The following ARFGEF1 variants were observed in gnomAD, a reference collection of about 807,000 sequenced individuals.
ARFGEF1 encodes the protein ARF guanine nucleotide exchange factor 1, also known as brefeldin A-inhibited guanine nucleotide-exchange protein 1.
Under a neutral mutation model 231.0 loss-of-function variants are expected in ARFGEF1, and 42 were observed. That is an observed-to-expected ratio of 0.18 (90% CI 0.14 to 0.24). The LOEUF (loss-of-function observed/expected upper bound fraction) is 0.24. Among genes scored for constraint, ARFGEF1 ranks in the 10% least tolerant of loss-of-function variants. ARFGEF1 has a pLI of 1.00. For missense variants in ARFGEF1, 1,345 were observed against 2,192.0 expected (o/e 0.61, Z 7.72); for synonymous variants, 710 against 732.3 (o/e 0.97, Z 0.49).
In ARFGEF1 at chr8:67,204,955, GCA is replaced by G. The variant is rs1271759424; in HGVS notation, c.4820-138_4820-137del. Reference sequence around the variant, plus strand: ...ACACTGAGAAGGACATACTGCTTTTGCACACAGGCACTACTCAGTAAAAGTTT... The same window carrying G: ...ACACTGAGAAGGACATACTGCTTTTGCACAGGCACTACTCAGTAAAAGTTT... On this transcript the variant is annotated intron_variant, in intron 34 of 38. Coordinates refer to ENST00000262215, the MANE Select transcript of ARFGEF1 (RefSeq NM_006421.5). 5 of 996,670 alleles carry G rather than the reference GCA, an allele frequency of 5.0e-6. No homozygotes were observed. The Admixed American group carries it at 1.2e-4, about 24-fold the overall frequency. The allele number at this position is 996,670 out of a possible 1,614,324, so 61.7% of individuals were successfully genotyped here.
At chr8:67,340,919 G>A (rs778815646) in intron 1 of ARFGEF1, among the ~76,000 whole-genome samples, 1 of 152,176 alleles carries the variant, frequency 6.6e-6, no homozygotes, top group Non-Finnish European at 1.5e-5. Context: ...GGACCATTTA[G>A]AGCGCTATAG....
Position 67,179,288 on chromosome 8 carries a change from G to A in ARFGEF1, c.561-3716C>T, listed in dbSNP as rs185134944. Among the ~76,000 whole-genome samples the A allele has an allele frequency of 1.5e-3, 229 of 152,014 alleles. 2 individuals are homozygous for A. Among genetic ancestry groups the A allele is most frequent in the Middle Eastern group, 6.8e-3 (2 of 294 alleles). On this transcript the variant is annotated intron_variant, in intron 5 of 5. Transcript: ENST00000518789. The stretch of plus-strand genomic sequence containing the variant: ...ATACTATATGCTCCACTATATCTGT[G>A]CTGCATCATTGTGGCAATTGCTGTC...
At chr8:67,176,979 G>A (rs901201097) in intron 5 of ARFGEF1, among the ~76,000 whole-genome samples, 1 of 150,518 alleles carries the variant, frequency 6.6e-6, no homozygotes, top group Non-Finnish European at 1.5e-5. Flanking sequence ...CCTGAGTCAG[G>A]AGAATTGCTT....
At chr8:67,342,978 C>A (rs1045775040) in intron 1 of ARFGEF1, among the ~76,000 whole-genome samples, 186 bp downstream of exon 1, 8 of 152,164 alleles carry the variant, frequency 5.3e-5, no homozygotes, top group Non-Finnish European at 7.3e-5. Flanking sequence ...TCCTCTACCC[C>A]GCCTCTGCCC....
At position 67,343,687 on chromosome 8, in the gene ARFGEF1, G is replaced by T; in HGVS notation, c.-400C>A. 1 of 836,214 alleles carries T rather than the reference G, an allele frequency of 1.2e-6. No individual in the cohort carries two copies. Among genetic ancestry groups the T allele is most frequent in the Non-Finnish European group, 1.4e-6 (1 of 689,782 alleles). 51.8% of individuals were successfully genotyped at this position (836,214 alleles called of 1,614,324 possible). Reference sequence around the variant, plus strand: ...CTCTCAGAGGCACCGCGAGAGAAGGGCTACCCTGGCTACTGTGGGGATTAG... The same window carrying T: ...CTCTCAGAGGCACCGCGAGAGAAGGTCTACCCTGGCTACTGTGGGGATTAG... On this transcript the variant is annotated 5_prime_UTR_variant, in exon 1 of 39. Transcript: ENST00000262215.
intron 1 of ARFGEF1, 59 bp downstream of exon 1, chr8:67,343,105 G>GCCC: frequency 4.1e-6 from 2 of 483,916 alleles, no homozygotes; most frequent in South Asian, 3.8e-5. Flanking sequence ...CCCCCCACAG[G>GCCC]CGCCCCCCTC....
chr8:67,248,094 T>C (rs1380113970), intron 19 of ARFGEF1, among the ~76,000 whole-genome samples: 1 of 149,128 alleles, frequency 6.7e-6, no homozygotes, highest in African/African-American at 2.5e-5. Flanking sequence ...CCCAAAGCAA[T>C]CTATAGAATA....
rs1467328532 is a variant in ARFGEF1 at position 67,271,573 on chromosome 8, A to C, written c.1572+129T>G. 5.5e-6 allele frequency: 4 copies of C among 721,324 alleles called. No individual in the cohort carries two copies. The East Asian group carries it at 1.1e-4, about 20-fold the overall frequency. The allele number at this position is 721,324 out of a possible 1,614,324, so 44.7% of individuals were successfully genotyped here. ...ATATTAGTTGAACAGGTGAATGAAA[A>C]AAAATAAGTGCATGGCAATATACAA... On this transcript the variant is annotated intron_variant, in intron 10 of 38. Coordinates refer to ENST00000262215, the MANE Select transcript of ARFGEF1 (RefSeq NM_006421.5).
In ARFGEF1 at chr8:67,343,542, T is replaced by G; in HGVS notation, c.-255A>C. 5.3e-6 allele frequency: 6 copies of G among 1,124,266 alleles called. No homozygotes were observed. The highest frequency in any genetic ancestry group is 1.6e-5 in the African/African-American group (1 of 61,036). 69.6% of individuals were successfully genotyped at this position (1,124,266 alleles called of 1,614,324 possible). A position where few individuals can be genotyped will look rare whatever the true frequency, so the allele number is the denominator to read the frequency against. On this transcript the variant is annotated 5_prime_UTR_variant, in exon 1 of 39. Transcript: ENST00000262215. ...GCCGCGCCCGTCGGGCCTCCGCTTC[T>G]CCCGGCCCGGGGGTCGCGTCCCGGC...
At chr8:67,188,709 C>T (rs574623348) in intron 5 of ARFGEF1, among the ~76,000 whole-genome samples, 3 of 152,304 alleles carry the variant, frequency 2.0e-5, no homozygotes, top group East Asian at 3.9e-4. Context: ...TCCACCCCTC[C>T]GGATCTGGCA....
At chr8:67,269,793 T>C (rs928502668) in intron 10 of ARFGEF1, among the ~76,000 whole-genome samples, 2 of 152,206 alleles carry the variant, frequency 1.3e-5, no homozygotes, top group Admixed American at 6.5e-5. Flanking sequence ...ATTATAATAA[T>C]TTTGTAATGA....
chr8:67,236,563 G>A (rs1188171456), intron 22 of ARFGEF1, among the ~76,000 whole-genome samples: 2 of 151,758 alleles, frequency 1.3e-5, no homozygotes, highest in Non-Finnish European at 2.9e-5. Flanking sequence ...CACATGGGTT[G>A]GCTGGTTATC....
intron 29 of ARFGEF1, among the ~76,000 whole-genome samples, chr8:67,220,648 G>C (rs1839116182): frequency 1.3e-5 from 2 of 152,224 alleles, no homozygotes; most frequent in African/African-American, 4.8e-5. Context: ...TTCCACAGGA[G>C]ACGCCTGTCA....
chr8:67,178,663 G>A (rs1222166283), intron 5 of ARFGEF1, among the ~76,000 whole-genome samples: 3 of 152,186 alleles, frequency 2.0e-5, no homozygotes, highest in Admixed American at 1.3e-4. Flanking sequence ...CATCAGGGAG[G>A]TGTCTATGGG....
chr8:67,219,205 G>T (rs1374023316), intron 30 of ARFGEF1, among the ~76,000 whole-genome samples: 1 of 152,196 alleles, frequency 6.6e-6, no homozygotes, highest in Admixed American at 6.5e-5. Context: ...GACCTGAGAT[G>T]ATCCACCCGC....
In ARFGEF1 at chr8:67,217,989, T is replaced by G; in HGVS notation, c.4474+14A>C. 1 of 1,612,236 alleles carries G rather than the reference T, an allele frequency of 6.2e-7. No homozygotes were observed. Among genetic ancestry groups the G allele is most frequent in the East Asian group, 2.2e-5 (1 of 44,838 alleles). ...CATTTAACACTTTGTGTCACATATC[T>G]GGTACAGACCTACCTTGCTGCACAC... On this transcript the variant is annotated intron_variant, in intron 31 of 38. Coordinates refer to ENST00000262215, the MANE Select transcript of ARFGEF1 (RefSeq NM_006421.5).
chr8:67,251,380 T>C lies in ARFGEF1; in HGVS notation c.2769A>G (p.Lys923=), dbSNP rs747413474. 2 of 1,612,820 alleles carry C rather than the reference T, an allele frequency of 1.2e-6. No homozygotes were observed. Residue 923 remains lysine (K), a synonymous_variant, in exon 19 of 39, where the codon AAA becomes AAG. Coordinates refer to ENST00000262215, the MANE Select transcript of ARFGEF1 (RefSeq NM_006421.5). ...LEMEQMAKTA[K]ALMEAVSHVQ... is the part of the protein sequence containing the mutation. ...CATGGCTCACGGCCTCCATGAGTGCTTTAGCTGTCTTGGCCATCTGCTCCA... is the reference window on the plus strand; with the variant it reads ...CATGGCTCACGGCCTCCATGAGTGCCTTAGCTGTCTTGGCCATCTGCTCCA...
intron 37 of ARFGEF1, 79 bp downstream of exon 37, chr8:67,201,388 A>C: frequency 6.6e-7 from 1 of 1,505,694 alleles, no homozygotes; most frequent in Non-Finnish European, 8.9e-7. Context: ...AGCTGTCAGC[A>C]TGGTCCCGCC....
At chr8:67,314,356 C>G (rs918928179) in intron 1 of ARFGEF1, among the ~76,000 whole-genome samples, 19 of 152,150 alleles carry the variant, frequency 1.2e-4, no homozygotes, top group Non-Finnish European at 1.5e-4. Context: ...GTTTTACCCC[C>G]CTGCTCCTCT....
Sources: gnomAD v4.1 joint callset for allele counts (sites outside exome capture counted in the v4.1 genomes callset) on GRCh38, gnomAD v4.1.1 for gene constraint, MANE v1.5 for transcripts, NCBI Gene and HGNC (gene_info 2026-07-23, HGNC 2026-07-21) for gene names.